Variants in SYT16 observed in about 807,000 individuals in gnomAD.
The protein encoded by SYT16 is synaptotagmin-16.
SYT16 carries 42 observed loss-of-function variants against 61.4 expected under a neutral mutation model. The observed-to-expected ratio is 0.68, with a 90% CI of 0.53 to 0.89. The LOEUF (loss-of-function observed/expected upper bound fraction) is 0.89. Ranked by LOEUF, SYT16 falls within the 40% of genes least tolerant of loss-of-function variation. The pLI, the probability that SYT16 is intolerant of heterozygous loss-of-function variation, is 0.00. For synonymous variants in SYT16, 314 were observed against 302.3 expected (o/e 1.04, Z -0.40); for missense variants, 804 against 807.3 (o/e 1.00, Z 0.05).
intron 3 of SYT16, among the ~76,000 whole-genome samples, chr14:62,037,229 T>G (rs1269798534): frequency 6.6e-6 from 1 of 152,168 alleles, no homozygotes; most frequent in Non-Finnish European, 1.5e-5. Flanking sequence ...TATGGCAGGA[T>G]TCCTGTTCAC....
intron 1 of SYT16, among the ~76,000 whole-genome samples, chr14:61,918,445 G>T (rs1437612362): frequency 6.6e-6 from 1 of 152,054 alleles, no homozygotes; most frequent in Admixed American, 6.6e-5. Context: ...TACAGAAGAT[G>T]GGGGATAAAG....
intron 3 of SYT16, among the ~76,000 whole-genome samples, chr14:62,019,372 G>A (rs1445510846): frequency 6.6e-6 from 1 of 152,152 alleles, no homozygotes; most frequent in South Asian, 2.1e-4. Flanking sequence ...CAGTGAGCGT[G>A]TGTGTGAAGA....
At chr14:62,005,392 A>G (rs1352763549) in intron 3 of SYT16, among the ~76,000 whole-genome samples, 2 of 152,104 alleles carry the variant, frequency 1.3e-5, no homozygotes, top group Non-Finnish European at 2.9e-5. Context: ...CAGGGAACTC[A>G]CGACTGTGTT....
intron 1 of SYT16, among the ~76,000 whole-genome samples, chr14:61,901,452 G>A (rs1351326514): frequency 6.6e-5 from 10 of 152,166 alleles, no homozygotes; most frequent in Non-Finnish European, 1.0e-4. Context: ...CAAACAGCTG[G>A]TAAGTGGCTG....
intron 6 of SYT16, 69 bp from the exon 7 acceptor site, chr14:62,084,127 T>C: frequency 1.3e-6 from 2 of 1,531,084 alleles, no homozygotes; most frequent in Non-Finnish European, 1.8e-6. Flanking sequence ...CCAAACATAA[T>C]ATCGGCTTTC....
chr14:62,055,786 G>A (rs181601584), intron 3 of SYT16, among the ~76,000 whole-genome samples: 20 of 152,294 alleles, frequency 1.3e-4, no homozygotes, highest in African/African-American at 4.3e-4. Context: ...ATAAAGGGGA[G>A]TTTATTAAGG....
intron 7 of SYT16, among the ~76,000 whole-genome samples, chr14:62,094,844 G>A (rs1024659124): frequency 6.6e-6 from 1 of 151,968 alleles, no homozygotes; most frequent in African/African-American, 2.4e-5. Flanking sequence ...ACACAGGACA[G>A]GCGATTTTTT....
chr14:61,874,586 A>C (rs1263537044), intron 1 of SYT16, among the ~76,000 whole-genome samples: 23 of 152,238 alleles, frequency 1.5e-4, no homozygotes. Flanking sequence ...AGTGCTTCAA[A>C]GATAAGTCTT....
At chr14:62,082,923 G>C (rs748360590) in intron 6 of SYT16, among the ~76,000 whole-genome samples, 2 of 152,256 alleles carry the variant, frequency 1.3e-5, no homozygotes, top group East Asian at 3.8e-4. Context: ...ACCAGGGACT[G>C]AGAGATTTAT....
intron 1 of SYT16, among the ~76,000 whole-genome samples, chr14:61,958,069 C>A (rs527854036): frequency 1.3e-5 from 2 of 151,728 alleles, no homozygotes; most frequent in Middle Eastern, 6.8e-3. Flanking sequence ...TTGTCTAATT[C>A]ATTTATATGT....
intron 7 of SYT16, among the ~76,000 whole-genome samples, chr14:62,097,021 T>C (rs74494626): frequency 0.03 from 4,605 of 152,200 alleles, 243 homozygotes; most frequent in African/African-American, 0.11. Flanking sequence ...AGGCCAAGGC[T>C]CAGCTCAGCA....
chr14:62,002,331 A>G (rs748408111), intron 3 of SYT16, among the ~76,000 whole-genome samples: 7 of 152,114 alleles, frequency 4.6e-5, no homozygotes, highest in Admixed American at 1.3e-4. Flanking sequence ...CTATTACTAC[A>G]TTGTGTTTAG....
In SYT16 at chr14:62,025,058, T is replaced by C. The variant is rs538939866; in HGVS notation, c.523+28516T>C. On this transcript the variant is annotated intron_variant, in intron 3 of 7. Transcript: ENST00000683842. The stretch of plus-strand genomic sequence containing the variant: ...TACTGAAGGACATCTTGGTTGCTTC[T>C]AAATTTTGGCAATTATAAATAAAGC... Among the ~76,000 whole-genome samples the C allele has an allele frequency of 4.3e-4, 66 of 152,280 alleles. 1 individual carries two copies. The East Asian group carries it at 0.012, about 28-fold the overall frequency.
intron 1 of SYT16, among the ~76,000 whole-genome samples, chr14:61,942,550 C>T (rs546965687): frequency 2.6e-5 from 4 of 152,096 alleles, no homozygotes; most frequent in Non-Finnish European, 5.9e-5. Context: ...TTCTGTTTTT[C>T]GACTCACAGT....
At chr14:61,837,484 C>G (rs1252387703) in intron 1 of SYT16, among the ~76,000 whole-genome samples, 1 of 152,076 alleles carries the variant, frequency 6.6e-6, no homozygotes, top group Non-Finnish European at 1.5e-5. Context: ...AGTGATCCTC[C>G]CACCTCAGCC....
intron 3 of SYT16, among the ~76,000 whole-genome samples, chr14:62,022,046 T>A (rs1172859952): frequency 6.6e-6 from 1 of 151,584 alleles, no homozygotes; most frequent in Non-Finnish European, 1.5e-5. Context: ...TCTTTTTCTT[T>A]TTTTTTTTTA....
At chr14:62,047,956 GC>G (rs1276624122) in intron 3 of SYT16, among the ~76,000 whole-genome samples, 1 of 152,156 alleles carries the variant, frequency 6.6e-6, no homozygotes, top group Non-Finnish European at 1.5e-5. Context: ...TTGTGTCTCT[GC>G]CAGGCTTTGG....
intron 3 of SYT16, 72 bp from the exon 4 acceptor site, chr14:62,069,531 T>C (rs1260889574): frequency 7.1e-7 from 1 of 1,417,000 alleles, no homozygotes; most frequent in East Asian, 2.3e-5. Context: ...TCTTCTGTTT[T>C]CCTGGAGAGT....
chr14:61,957,418 T>G (rs1467860279), intron 1 of SYT16, among the ~76,000 whole-genome samples: 1 of 151,988 alleles, frequency 6.6e-6, no homozygotes, highest in African/African-American at 2.4e-5. Flanking sequence ...CACTTTTCAT[T>G]GTTGAAATGA....
Sources: gnomAD v4.1 joint callset for allele counts (sites outside exome capture counted in the v4.1 genomes callset) on GRCh38, gnomAD v4.1.1 for gene constraint, MANE v1.5 for transcripts, NCBI Gene and HGNC (gene_info 2026-07-23, HGNC 2026-07-21) for gene names.